The following IGFL2 variants were observed in gnomAD, a reference collection of about 807,000 sequenced individuals.
IGFL2 encodes the protein insulin growth factor-like family member 2.
Under a neutral mutation model 13.9 loss-of-function variants are expected in IGFL2, and 7 were observed. The ratio of observed to expected loss-of-function variants is 0.51; its 90% CI spans 0.29 to 0.95. The LOEUF is 0.95. Ranked by LOEUF, IGFL2 falls within the 40% of genes least tolerant of loss-of-function variation. The probability of loss-of-function intolerance (pLI) is 0.08; values close to 1 mark genes in which losing one functional copy is unlikely to be tolerated. For missense variants in IGFL2, 138 were observed against 147.8 expected (o/e 0.93, Z 0.34); for synonymous variants, 55 against 55.8 (o/e 0.99, Z 0.07).
At chr19:46,132,469 C>T in the IGFL2 span, among the ~76,000 whole-genome samples, 1 of 152,174 alleles carries the variant, frequency 6.6e-6, no homozygotes, top group South Asian at 2.1e-4. Context: ...CCTTAAAAAG[C>T]CAGCACCCAA....
the IGFL2 span, among the ~76,000 whole-genome samples, chr19:46,118,856 G>C: frequency 6.6e-6 from 1 of 152,150 alleles, no homozygotes; most frequent in Non-Finnish European, 1.5e-5. Flanking sequence ...TCTGGTTGCA[G>C]GCCCAAGGTG....
the IGFL2 span, among the ~76,000 whole-genome samples, chr19:46,116,976 A>G: frequency 1.3e-5 from 2 of 152,176 alleles, no homozygotes; most frequent in East Asian, 3.8e-4. Flanking sequence ...GGCAATTATA[A>G]TAACTAGTAA....
At chr19:46,094,361 AGATT>A in the IGFL2 span, among the ~76,000 whole-genome samples, 1 of 152,166 alleles carries the variant, frequency 6.6e-6, no homozygotes, top group Non-Finnish European at 1.5e-5. Flanking sequence ...AAAAATATTT[AGATT>A]GATTTTATTG....
At chr19:46,091,179 C>T in the IGFL2 span, among the ~76,000 whole-genome samples, 1 of 152,110 alleles carries the variant, frequency 6.6e-6, no homozygotes, top group Non-Finnish European at 1.5e-5. Flanking sequence ...CTAGAGAGTC[C>T]TAATGCACCA....
downstream of IGFL2, among the ~76,000 whole-genome samples, chr19:46,163,013 G>C (rs1974234030): frequency 6.6e-6 from 1 of 152,178 alleles, no homozygotes; most frequent in African/African-American, 2.4e-5. Context: ...TTTGTGTGGG[G>C]TCTTTATTTG....
At chr19:46,137,363 A>G in the IGFL2 span, 5 of 1,128,008 alleles carry the variant, frequency 4.4e-6, no homozygotes, top group African/African-American at 1.5e-5. Context: ...CCAGTTACAG[A>G]CCTGTAGTGT....
the IGFL2 span, among the ~76,000 whole-genome samples, chr19:46,090,779 T>TG: frequency 4.6e-5 from 7 of 152,316 alleles, no homozygotes; most frequent in South Asian, 1.5e-3. Flanking sequence ...GAGCTGGCCT[T>TG]GCAGGGGCTG....
At chr19:46,142,410 C>T (rs1415382472), upstream of IGFL2, among the ~76,000 whole-genome samples, 13 of 152,266 alleles carry the variant, frequency 8.5e-5, no homozygotes, top group African/African-American at 4.8e-5. Flanking sequence ...AGGGTTTCTA[C>T]GTGAAATATA....
At chr19:46,133,023 A>G in the IGFL2 span, among the ~76,000 whole-genome samples, 1 of 152,122 alleles carries the variant, frequency 6.6e-6, no homozygotes, top group Non-Finnish European at 1.5e-5. Context: ...GGAGAAAAGC[A>G]TTGCCTGCAG....
the IGFL2 span, among the ~76,000 whole-genome samples, chr19:46,121,195 T>A: frequency 2.1e-4 from 32 of 149,086 alleles, 3 homozygotes; most frequent in South Asian, 3.2e-3. Flanking sequence ...CTGGGTAACA[T>A]AATGAAAACC....
At chr19:46,197,027 GC>G in the IGFL2 span, 1 of 219,438 alleles carries the variant, frequency 4.6e-6, no homozygotes. Flanking sequence ...TCCTCCAGTG[GC>G]CCCCATGGGT....
chr19:46,205,814 C>T, the IGFL2 span, among the ~76,000 whole-genome samples: 8 of 152,062 alleles, frequency 5.3e-5, no homozygotes, highest in African/African-American at 1.7e-4. Flanking sequence ...GCAAGTGGGC[C>T]GTTAAACACG....
At chr19:46,133,066 C>G in the IGFL2 span, among the ~76,000 whole-genome samples, 2 of 152,074 alleles carry the variant, frequency 1.3e-5, no homozygotes, top group African/African-American at 4.8e-5. Flanking sequence ...GGCTGGCAGG[C>G]TGGAGAAAGA....
the IGFL2 span, chr19:46,101,282 C>CG: frequency 1.3e-5 from 2 of 152,398 alleles, no homozygotes; most frequent in Non-Finnish European, 2.9e-5. Context: ...GGGGGGAAAC[C>CG]CACTCATCTG....
At chr19:46,204,469 A>AT in the IGFL2 span, among the ~76,000 whole-genome samples, 1 of 152,130 alleles carries the variant, frequency 6.6e-6, no homozygotes, top group Admixed American at 6.5e-5. Flanking sequence ...GTTTACTGTT[A>AT]TTTCCCAGGA....
chr19:46,086,187 CTT>C, the IGFL2 span, among the ~76,000 whole-genome samples: 2 of 151,936 alleles, frequency 1.3e-5, no homozygotes, highest in Non-Finnish European at 2.9e-5. Context: ...ATACCTATCT[CTT>C]TGGTGATAAA....
At chr19:46,187,577 A>G in the IGFL2 span, among the ~76,000 whole-genome samples, 40 of 112,590 alleles carry the variant, frequency 3.6e-4, no homozygotes, top group African/African-American at 1.5e-3. Context: ...GGTGTGTGCT[A>G]CCTGATCAGA....
intron 1 of IGFL2, among the ~76,000 whole-genome samples, chr19:46,152,753 A>G (rs1973575397): frequency 6.6e-6 from 1 of 152,188 alleles, no homozygotes; most frequent in South Asian, 2.1e-4. Context: ...TGTCCCTGAT[A>G]TTAGGGGGAA....
At chr19:46,123,889 G>C in the IGFL2 span, 1 of 1,609,186 alleles carries the variant, frequency 6.2e-7, no homozygotes, top group Admixed American at 1.7e-5. Context: ...CCTTTACCTG[G>C]TACAGCTCCG....
Sources: allele counts gnomAD v4.1 joint callset (sites outside exome capture counted in the v4.1 genomes callset), GRCh38; gene constraint gnomAD v4.1.1; transcripts MANE v1.5; gene names NCBI Gene and HGNC (gene_info 2026-07-23, HGNC 2026-07-21).